The following CD226 variants were observed in gnomAD, a reference collection of about 807,000 sequenced individuals.
The protein encoded by CD226 is CD226 molecule.
A neutral mutation model predicts 34.9 loss-of-function variants in CD226; 24 were observed. The observed-to-expected ratio is 0.69, with a 90% CI of 0.50 to 0.97. The LOEUF (loss-of-function observed/expected upper bound fraction) is 0.97, where lower values mean the gene tolerates loss of function less well. CD226 is among the 50% of genes least tolerant of loss of function. CD226 has a pLI of 0.00. For missense variants in CD226, 397 were observed against 412.7 expected, an observed-to-expected ratio of 0.96 and a Z score of 0.33; for synonymous variants, 148 against 147.4, an observed-to-expected ratio of 1.00 and a Z score of -0.03.
chr18:69,878,796 C>T, intron 3 of CD226, among the ~76,000 whole-genome samples: 1 of 152,180 alleles, frequency 6.6e-6, no homozygotes, highest in East Asian at 1.9e-4. Flanking sequence ...TCTCCCAAGA[C>T]TTTCAGGGTC....
chr18:69,961,032 C>T (rs2145394750), upstream of CD226, among the ~76,000 whole-genome samples: 1 of 152,194 alleles, frequency 6.6e-6, no homozygotes, highest in East Asian at 1.9e-4. Flanking sequence ...AGGTGATCCA[C>T]CTAGAGAACA....
chr18:69,904,511 G>GGGTCCCCTTGGT (rs1223784922), intron 2 of CD226, among the ~76,000 whole-genome samples: 1 of 152,134 alleles, frequency 6.6e-6, no homozygotes, highest in Non-Finnish European at 1.5e-5. Context: ...AGGTAACCGT[G>GGGTCCCCTTGGT]GGTCCCCTTG....
upstream of CD226, among the ~76,000 whole-genome samples, chr18:69,958,788 AACACAC>A (rs59835947): frequency 0.057 from 8,150 of 143,038 alleles, 408 homozygotes; most frequent in African/African-American, 0.15. Flanking sequence ...TTCACAGGCA[AACACAC>A]ACACACACAC....
At chr18:69,913,398 T>C (rs2055349803) in intron 2 of CD226, among the ~76,000 whole-genome samples, 1 of 152,242 alleles carries the variant, frequency 6.6e-6, no homozygotes, top group African/African-American at 2.4e-5. Flanking sequence ...TTAAGCTTTT[T>C]ATTTCTCAGA....
At chr18:69,892,748 T>G (rs1178828006) in intron 3 of CD226, among the ~76,000 whole-genome samples, 1 of 138,246 alleles carries the variant, frequency 7.2e-6, no homozygotes, top group African/African-American at 2.7e-5. Flanking sequence ...GAAGAGCCCC[T>G]CTCTGTGTGT....
In CD226 at chr18:69,895,902, A is replaced by G; in HGVS notation, c.526T>C (p.Leu176=). 6.2e-7 allele frequency: 1 copy of G among 1,614,154 alleles called. No individual in the cohort carries two copies. The highest frequency in any genetic ancestry group is 8.5e-7 in the Non-Finnish European group (1 of 1,180,022). Residue 176 remains leucine (L), a synonymous_variant, in exon 3 of 6, where the codon TTA becomes CTA. Coordinates refer to ENST00000582621, the MANE Select transcript of CD226 (RefSeq NM_001303618.2). ...CCATGGACCAAGTTGCAGTAAGTTA[A>G]GAGGTCGATCTGACGGGGCTGGATC... ...EKIQPRQIDL[L]TYCNLVHGRN... is the part of the protein sequence containing the mutation.
chr18:69,898,918 C>T (rs979631443), intron 2 of CD226, among the ~76,000 whole-genome samples: 2 of 151,960 alleles, frequency 1.3e-5, no homozygotes, highest in Non-Finnish European at 2.9e-5. Context: ...TGAAACAGAC[C>T]AAAATGTCGT....
At chr18:69,925,125 T>C (rs147622479) in intron 2 of CD226, among the ~76,000 whole-genome samples, 1 of 152,304 alleles carries the variant, frequency 6.6e-6, no homozygotes, top group African/African-American at 2.4e-5. Flanking sequence ...CAAGACAACC[T>C]GTTGGACAAA....
intron 3 of CD226, among the ~76,000 whole-genome samples, chr18:69,892,935 T>C (rs1316842919): frequency 1.3e-5 from 2 of 152,214 alleles, no homozygotes; most frequent in African/African-American, 4.8e-5. Context: ...TTGAAATAAA[T>C]TAAATCTGTC....
intron 4 of CD226, among the ~76,000 whole-genome samples, chr18:69,868,342 G>A (rs1983276001): frequency 6.6e-6 from 1 of 152,148 alleles, no homozygotes; most frequent in African/African-American, 2.4e-5. Flanking sequence ...TCTCTTTAAG[G>A]TGAGGTTGTA....
chr18:69,874,267 T>TC (rs1177679055), intron 3 of CD226, among the ~76,000 whole-genome samples: 1 of 152,204 alleles, frequency 6.6e-6, no homozygotes, highest in Non-Finnish European at 1.5e-5. Flanking sequence ...TAGAGAAATG[T>TC]CCCCTCTGGA....
chr18:69,940,059 TGTTCTCATGATAGTGAGTTA>T (rs1351390914), intron 2 of CD226, among the ~76,000 whole-genome samples: 1 of 152,228 alleles, frequency 6.6e-6, no homozygotes, highest in East Asian at 1.9e-4. Context: ...TCCCCCATCC[TGTTCTCATGATAGTGAGTTA>T]GTTCTCATGA....
At chr18:69,940,102 T>G (rs910520223) in intron 2 of CD226, among the ~76,000 whole-genome samples, 2 of 152,156 alleles carry the variant, frequency 1.3e-5, no homozygotes, top group African/African-American at 4.8e-5. Context: ...TCTGATGGTT[T>G]TATAAGGGGC....
chr18:69,933,301 G>A (rs535364921), intron 2 of CD226, among the ~76,000 whole-genome samples: 8 of 152,182 alleles, frequency 5.3e-5, no homozygotes, highest in South Asian at 4.1e-4. Flanking sequence ...TCCACCCTCC[G>A]ACCTTCCCCT....
At chr18:69,933,759 T>C (rs925721905) in intron 2 of CD226, among the ~76,000 whole-genome samples, 4 of 152,218 alleles carry the variant, frequency 2.6e-5, no homozygotes, top group Non-Finnish European at 4.4e-5. Flanking sequence ...CATTTTCCCT[T>C]TAGTTCAATT....
rs1982983218 is a variant in CD226 at position 69,864,140 on chromosome 18, T to G, written c.*174A>C. 5 of 597,694 alleles carry G rather than the reference T, an allele frequency of 8.4e-6. No homozygotes were observed. The South Asian group carries it at 1.1e-4, about 13-fold the overall frequency. 37.0% of individuals were successfully genotyped at this position (597,694 alleles called of 1,614,324 possible). ...ATAAACCAGTTAGAGTCAGGTTTTCTGAAACAGTTCTATGAAAAATGATTT... is the reference window on the plus strand; with the variant it reads ...ATAAACCAGTTAGAGTCAGGTTTTCGGAAACAGTTCTATGAAAAATGATTT... On this transcript the variant is annotated 3_prime_UTR_variant, in exon 6 of 6. Transcript: ENST00000582621.
intron 2 of CD226, among the ~76,000 whole-genome samples, chr18:69,905,980 G>A (rs2055248154): frequency 6.6e-6 from 1 of 152,192 alleles, no homozygotes; most frequent in Non-Finnish European, 1.5e-5. Flanking sequence ...GATTGCATAA[G>A]TTTGATGCCT....
chr18:69,949,473 A>T (rs965548286), upstream of CD226, among the ~76,000 whole-genome samples: 5 of 152,152 alleles, frequency 3.3e-5, no homozygotes, highest in Non-Finnish European at 7.3e-5. Context: ...ATCAAACTAC[A>T]AATGCCGGGC....
chr18:69,873,083 G>T, intron 4 of CD226, 61 bp downstream of exon 4: 1 of 903,034 alleles, frequency 1.1e-6, no homozygotes, highest in South Asian at 1.3e-5. Context: ...CAAATTACTG[G>T]GTTATTAATA....
Sources: gnomAD v4.1 joint callset for allele counts (sites outside exome capture counted in the v4.1 genomes callset) on GRCh38, gnomAD v4.1.1 for gene constraint, MANE v1.5 for transcripts, NCBI Gene and HGNC (gene_info 2026-07-23, HGNC 2026-07-21) for gene names.